The following PPP4R2 variants were observed in gnomAD, a reference collection of about 807,000 sequenced individuals.
PPP4R2 encodes serine/threonine-protein phosphatase 4 regulatory subunit 2.
A neutral mutation model predicts 47.2 loss-of-function variants in PPP4R2; 13 were observed. That is an observed-to-expected ratio of 0.28 (90% CI 0.18 to 0.44). The LOEUF is 0.44. Among genes scored for constraint, PPP4R2 ranks in the 20% least tolerant of loss-of-function variants. The probability of loss-of-function intolerance (pLI) is 1.00; values close to 1 mark genes in which losing one functional copy is unlikely to be tolerated. For synonymous variants in PPP4R2, 151 were observed against 163.3 expected, an observed-to-expected ratio of 0.92 and a Z score of 0.57; for missense variants, 421 against 491.2, an observed-to-expected ratio of 0.86 and a Z score of 1.35.
chr3:73,052,087 G>A (rs928077800), intron 3 of PPP4R2, among the ~76,000 whole-genome samples: 1 of 152,000 alleles, frequency 6.6e-6, no homozygotes, highest in Non-Finnish European at 1.5e-5. Flanking sequence ...AGACAAGTAT[G>A]GAATGACTAG....
chr3:73,028,102 C>G (rs1010764235), intron 2 of PPP4R2, among the ~76,000 whole-genome samples: 1 of 151,512 alleles, frequency 6.6e-6, no homozygotes, highest in African/African-American at 2.4e-5. Context: ...ACTAAAAATA[C>G]AAAAATTAGC....
chr3:73,053,610 A>G (rs1702665781), intron 3 of PPP4R2, among the ~76,000 whole-genome samples: 1 of 152,064 alleles, frequency 6.6e-6, no homozygotes, highest in Non-Finnish European at 1.5e-5. Context: ...CCTTATCATT[A>G]TTAAAAGAGG....
intron 1 of PPP4R2, chr3:72,997,440 AAG>A (rs1172568040): frequency 4.6e-6 from 1 of 216,292 alleles, no homozygotes; most frequent in East Asian, 8.6e-5. Flanking sequence ...GTGGGAGAAA[AAG>A]TAAACGGTTG....
At chr3:73,061,299 A>G in intron 5 of PPP4R2, 1 of 233,988 alleles carries the variant, frequency 4.3e-6, no homozygotes, top group Non-Finnish European at 8.1e-6. Context: ...TAATTTTAAT[A>G]TTGTTGGATT....
At chr3:73,054,801 G>A (rs1462338127) in intron 3 of PPP4R2, among the ~76,000 whole-genome samples, 1 of 152,070 alleles carries the variant, frequency 6.6e-6, no homozygotes. Context: ...TTTTTTGAGT[G>A]CCTTGTCAAC....
chr3:73,001,630 TTTTC>T (rs779068733), intron 2 of PPP4R2, among the ~76,000 whole-genome samples: 50 of 152,070 alleles, frequency 3.3e-4, no homozygotes, highest in African/African-American at 4.1e-4. Flanking sequence ...ACCATTTTAG[TTTTC>T]TTTCTTCTTT....
chr3:73,001,463 A>C (rs9838606), intron 2 of PPP4R2, among the ~76,000 whole-genome samples: 57,996 of 151,412 alleles, frequency 0.38, 11,457 homozygotes, highest in African/African-American at 0.44. Flanking sequence ...ACTCCCAGCT[A>C]CTTGGGAGGA....
At chr3:73,018,174 C>A (rs928110633) in intron 2 of PPP4R2, among the ~76,000 whole-genome samples, 2 of 152,116 alleles carry the variant, frequency 1.3e-5, no homozygotes, top group Non-Finnish European at 2.9e-5. Flanking sequence ...GGCAGATATA[C>A]ACTTGACCCT....
intron 7 of PPP4R2, 98 bp from the exon 8 acceptor site, chr3:73,064,754 C>G: frequency 2.7e-6 from 3 of 1,098,858 alleles, no homozygotes; most frequent in African/African-American, 1.6e-5. Flanking sequence ...AACTTTGACA[C>G]TGAAATACAA....
chr3:73,065,389 A>T lies in PPP4R2; in HGVS notation c.929-8A>T. 6.4e-7 allele frequency: 1 copy of T among 1,566,520 alleles called. No homozygotes were observed. Among genetic ancestry groups the T allele is most frequent in the Non-Finnish European group, 8.6e-7 (1 of 1,160,208 alleles). ...AATTTAACTACAACAACATTTGCTT[A>T]TTTTTAGAGTCTTTTATGACATCAA... On this transcript the variant is annotated splice_polypyrimidine_tract_variant and splice_region_variant and intron_variant, in intron 8 of 8. Transcript: ENST00000356692.
rs527878207 is a variant in PPP4R2, at chr3:72,998,269, A to G, written c.116+111A>G. 80 of 669,048 alleles carry G rather than the reference A, an allele frequency of 1.2e-4. No individual in the cohort carries two copies. The African/African-American group carries it at 1.3e-3, about 11-fold the overall frequency. The allele number at this position is 669,048 out of a possible 1,614,324, so 41.4% of individuals were successfully genotyped here. On this transcript the variant is annotated intron_variant, in intron 2 of 8. Transcript: ENST00000356692. ...AATTAAATAATTCATTCTAAATTGT[A>G]GAAGTCCTGGTCATTTAAATAATTT...
At chr3:73,037,456 C>G (rs72889062) in intron 2 of PPP4R2, among the ~76,000 whole-genome samples, 11,971 of 152,168 alleles carry the variant, frequency 0.079, 609 homozygotes, top group African/African-American at 0.14. Context: ...TTGCAGTGTT[C>G]TCCACCAGGA....
intron 2 of PPP4R2, among the ~76,000 whole-genome samples, chr3:73,018,428 GTTATGTTATGTTATGTTATGTTAT>G (rs1701887717): frequency 1.0e-5 from 1 of 99,054 alleles, no homozygotes; most frequent in African/African-American, 4.5e-5. Context: ...GTTATGTTAT[GTTATGTTATGTTATGTTATGTTAT>G]TTATGTTATG....
intron 2 of PPP4R2, among the ~76,000 whole-genome samples, chr3:73,044,449 A>G (rs889195943): frequency 6.6e-6 from 1 of 152,102 alleles, no homozygotes; most frequent in African/African-American, 2.4e-5. Context: ...AGCTGGACGT[A>G]GTGGTAGGCA....
chr3:72,997,058 G>C lies in PPP4R2; in HGVS notation c.21G>C (p.Gln7His). 2 of 1,408,226 alleles carry C rather than the reference G, an allele frequency of 1.4e-6. No homozygotes were observed. The highest frequency in any genetic ancestry group is 1.9e-6 in the Non-Finnish European group (2 of 1,064,666). 87.2% of individuals were successfully genotyped at this position (1,408,226 alleles called of 1,614,324 possible). A position where few individuals can be genotyped will look rare whatever the true frequency, so the allele number is the denominator to read the frequency against. Reference sequence around the variant, plus strand: ...AAGCCATGGACGTCGAGAGGCTCCAGGAGGCGCTGAAAGGTGGGGGTAGCT... The same window carrying C: ...AAGCCATGGACGTCGAGAGGCTCCACGAGGCGCTGAAAGGTGGGGGTAGCT... Reference protein sequence around the residue: MDVERLQEALKDFEKRG... With the variant: MDVERLHEALKDFEKRG... Residue 7 changes from glutamine (Q) to histidine (H), a missense_variant, in exon 1 of 9, where the codon CAG becomes CAC. Physicochemically the swap from Gln to His is conservative, Grantham distance 24. Coordinates refer to ENST00000356692, the MANE Select transcript of PPP4R2 (RefSeq NM_174907.4).
chr3:73,015,419 C>T (rs1007773861), intron 2 of PPP4R2, among the ~76,000 whole-genome samples: 1 of 151,796 alleles, frequency 6.6e-6, no homozygotes, highest in African/African-American at 2.4e-5. Context: ...TCAAGTAATC[C>T]ACCCGCGTTG....
At chr3:73,011,503 T>C (rs1701724195) in intron 2 of PPP4R2, among the ~76,000 whole-genome samples, 1 of 151,850 alleles carries the variant, frequency 6.6e-6, no homozygotes, top group South Asian at 2.1e-4. Context: ...ATTTGGAGCT[T>C]TTTGCTTTTG....
chr3:73,033,203 A>T (rs1387039854), intron 2 of PPP4R2, among the ~76,000 whole-genome samples: 1 of 152,148 alleles, frequency 6.6e-6, no homozygotes, highest in Non-Finnish European at 1.5e-5. Flanking sequence ...TGTTTATTCT[A>T]CCTACTTATT....
chr3:72,998,182 CGTTATAGACCA>C (rs1559542947), intron 2 of PPP4R2, 24 bp downstream of exon 2: 1 of 1,461,796 alleles, frequency 6.8e-7, no homozygotes, highest in Non-Finnish European at 9.4e-7. Flanking sequence ...ATGCATTTGT[CGTTATAGACCA>C]GTGCATTATT....
Sources: allele counts gnomAD v4.1 joint callset (sites outside exome capture counted in the v4.1 genomes callset), GRCh38; gene constraint gnomAD v4.1.1; transcripts MANE v1.5; gene names NCBI Gene and HGNC (gene_info 2026-07-23, HGNC 2026-07-21).